Variants in VPS9D1 observed in about 807,000 individuals in gnomAD.
VPS9D1 encodes the protein VPS9 domain-containing protein 1.
Under a neutral mutation model 75.8 loss-of-function variants are expected in VPS9D1, and 78 were observed. The observed-to-expected ratio is 1.03, with a 90% CI of 0.86 to 1.24. The LOEUF (loss-of-function observed/expected upper bound fraction) is 1.24, where lower values mean the gene tolerates loss of function less well. Ranked by LOEUF, VPS9D1 falls within the 50% of genes most tolerant of loss-of-function variation. VPS9D1 has a pLI of 0.00. For synonymous variants in VPS9D1, 481 were observed against 385.6 expected (o/e 1.25, Z -2.90); for missense variants, 1,057 against 847.7 (o/e 1.25, Z -3.07).
chr16:89,712,745 C>T, intron 4 of VPS9D1, 29 bp from the exon 5 acceptor site: 1 of 1,518,234 alleles, frequency 6.6e-7, no homozygotes. Flanking sequence ...GCTGTCTAGA[C>T]CCCAGGAAGC....
intron 1 of VPS9D1, chr16:89,719,372 TCTC>T (rs1051647931): frequency 1.8e-6 from 1 of 565,014 alleles, no homozygotes; most frequent in African/African-American, 1.9e-5. Context: ...GACCTCATTT[TCTC>T]CTCTGACTGC....
In VPS9D1 at chr16:89,710,852, A is replaced by T; in HGVS notation, c.992T>A (p.Leu331His). Residue 331 changes from leucine to histidine, a missense_variant, in exon 10 of 15, where the codon CTC (leucine) becomes CAC (histidine). Transcript: ENST00000389386. ...GSRRLRPSQS[L>H]HCMLSPPEPS... ...CTCGGGCGGGGACAGCATGCAATGG[A>T]GGCTCTGCGAGGGCCGCAGCCGTCG... 2 of 1,503,640 alleles carry T rather than the reference A, an allele frequency of 1.3e-6. No homozygotes were observed. Among genetic ancestry groups the T allele is most frequent in the Non-Finnish European group, 8.9e-7 (1 of 1,122,718 alleles). The allele number at this position is 1,503,640 out of a possible 1,614,324, so 93.1% of individuals were successfully genotyped here.
intron 9 of VPS9D1, 67 bp from the exon 10 acceptor site, chr16:89,711,077 G>A (rs1486740045): frequency 2.9e-6 from 4 of 1,400,860 alleles, no homozygotes; most frequent in South Asian, 3.0e-5. Context: ...CAGGTGCCGC[G>A]CTATGCCCGG....
chr16:89,709,902 C>G lies in VPS9D1; in HGVS notation c.1263G>C (p.Arg421Ser). 6.2e-7 allele frequency: 1 copy of G among 1,607,894 alleles called. No homozygotes were observed. Among genetic ancestry groups the G allele is most frequent in the Non-Finnish European group, 8.5e-7 (1 of 1,176,792 alleles). Residue 421 changes from arginine (R) to serine (S), a missense_variant, in exon 11 of 15, where the codon AGG becomes AGC. By Grantham distance (110) the Arg-to-Ser change is moderately radical. Coordinates refer to ENST00000389386, the MANE Select transcript of VPS9D1 (RefSeq NM_004913.3). ...AVEEIHNAVD[R>S]LLSLTLLAFE... ...AGGCCAGAAGGGTCAGCGAGAGCAG[C>G]CTGTCTGCTAGGAACAGAGCCGGGG...
rs1175853562 is a variant in VPS9D1 at position 89,716,527 on chromosome 16, G to C, written c.366C>G (p.Leu122=). The C allele has an allele frequency of 1.2e-6, 2 of 1,613,952 alleles. No homozygotes were observed. The highest frequency in any genetic ancestry group is 2.7e-5 in the African/African-American group (2 of 74,900). Residue 122 remains leucine (L), a synonymous_variant, in exon 4 of 15, where the codon CTC becomes CTG. Coordinates refer to ENST00000389386, the MANE Select transcript of VPS9D1 (RefSeq NM_004913.3). ...AGATCTCGGGTGGCAGAAAAGGAGA[G>C]AGCTTTCCTCCTTCATCGGAGTATA... ...RRVYSDEGGK[L]SPFLPPEIFQ...
intron 1 of VPS9D1, among the ~76,000 whole-genome samples, chr16:89,719,552 T>C (rs2061186419): frequency 6.6e-6 from 1 of 152,060 alleles, no homozygotes. Flanking sequence ...ATAAAGGGAG[T>C]GATACTGGAA....
At chr16:89,719,124 A>C in intron 1 of VPS9D1, 22 bp from the exon 2 acceptor site, 3 of 1,611,400 alleles carry the variant, frequency 1.9e-6, no homozygotes, top group Non-Finnish European at 2.5e-6. Context: ...AAAGAGAAAG[A>C]GTGGGGTCAG....
At chr16:89,717,728 G>A (rs1466901398) in intron 2 of VPS9D1, 5 of 456,606 alleles carry the variant, frequency 1.1e-5, no homozygotes, top group Admixed American at 4.7e-5. Flanking sequence ...TCTCCCCAGG[G>A]GATCCTCTGC....
chr16:89,718,600 C>T (rs1041956309), intron 2 of VPS9D1, among the ~76,000 whole-genome samples: 2 of 152,196 alleles, frequency 1.3e-5, no homozygotes, highest in Non-Finnish European at 2.9e-5. Flanking sequence ...AATGGTCAGG[C>T]TAGAAGGATA....
Position 89,709,269 on chromosome 16 carries a change from G to C in VPS9D1, c.1555C>G (p.Leu519Val). 1 of 1,611,496 alleles carries C rather than the reference G, an allele frequency of 6.2e-7. No homozygotes were observed. Among genetic ancestry groups the C allele is most frequent in the Non-Finnish European group, 8.5e-7 (1 of 1,179,846 alleles). Residue 519 changes from leucine to valine, a missense_variant, in exon 12 of 15, where the codon CTG becomes GTG. Transcript: ENST00000389386. ...TTCTGGGGGCAGCTCTCCAGGACCA[G>C]CAGTCCGAGCTCCTGGGCCGCCGCG... ...YCAAAQELGL[L>V]VLESCPQKKL...
intron 9 of VPS9D1, 38 bp from the exon 10 acceptor site, chr16:89,711,048 G>C: frequency 7.0e-7 from 1 of 1,431,828 alleles, no homozygotes; most frequent in Non-Finnish European, 9.1e-7. Context: ...GGCCAGCCTC[G>C]GCCTCTCCGT....
intron 1 of VPS9D1, 144 bp from the exon 2 acceptor site, chr16:89,719,246 G>A: frequency 1.3e-6 from 1 of 787,924 alleles, no homozygotes; most frequent in South Asian, 1.4e-5. Context: ...TGAGCCTGCG[G>A]TGGTTAGCTG....
intron 4 of VPS9D1, 35 bp downstream of exon 4, chr16:89,716,427 C>T (rs531700698): frequency 9.9e-6 from 16 of 1,612,232 alleles, no homozygotes; most frequent in African/African-American, 6.7e-5. Context: ...AACCCAATCC[C>T]AGGCTCATCC....
chr16:89,711,778 C>G (rs972559752), intron 8 of VPS9D1, 104 bp downstream of exon 8: 4 of 1,364,790 alleles, frequency 2.9e-6, no homozygotes, highest in Non-Finnish European at 2.0e-6. Flanking sequence ...CACTGCCCCC[C>G]ACAGCCTCTG....
intron 3 of VPS9D1, 23 bp downstream of exon 3, chr16:89,716,706 AG>A: frequency 6.3e-7 from 1 of 1,591,614 alleles, no homozygotes; most frequent in East Asian, 2.2e-5. Flanking sequence ...GCCCCAGGAG[AG>A]CCGCCTACTG....
chr16:89,709,131 C>G (rs1262809502), intron 12 of VPS9D1, 96 bp downstream of exon 12: 1 of 1,557,980 alleles, frequency 6.4e-7, no homozygotes, highest in Admixed American at 1.7e-5. Flanking sequence ...TCCCCACCGG[C>G]ACGTGACAAG....
intron 1 of VPS9D1, chr16:89,720,554 C>G (rs900134772): frequency 1.7e-6 from 2 of 1,180,498 alleles, no homozygotes; most frequent in Admixed American, 4.6e-5. Context: ...AGTGGAAAGC[C>G]AAGGTCCGCA....
intron 14 of VPS9D1, 111 bp from the exon 15 acceptor site, chr16:89,708,065 G>A: frequency 9.7e-7 from 1 of 1,030,104 alleles, no homozygotes; most frequent in Non-Finnish European, 1.5e-6. Context: ...TGCTGAGGGT[G>A]GGCAGGTGGG....
chr16:89,710,376 A>C (rs898730563), intron 10 of VPS9D1, among the ~76,000 whole-genome samples: 2 of 152,148 alleles, frequency 1.3e-5, no homozygotes, highest in Non-Finnish European at 2.9e-5. Context: ...AACTGAGGTC[A>C]GGAGTTTGAG....
Sources: allele counts gnomAD v4.1 joint callset (sites outside exome capture counted in the v4.1 genomes callset), GRCh38; gene constraint gnomAD v4.1.1; transcripts MANE v1.5; gene names NCBI Gene and HGNC (gene_info 2026-07-23, HGNC 2026-07-21).